Variants in ATRNL1 observed in about 807,000 individuals in gnomAD.
The protein encoded by ATRNL1 is attractin like 1.
A neutral mutation model predicts 182.7 loss-of-function variants in ATRNL1; 95 were observed. The ratio of observed to expected loss-of-function variants is 0.52; its 90% CI spans 0.44 to 0.62. The LOEUF is 0.62. Ranked by LOEUF, ATRNL1 falls within the 20% of genes least tolerant of loss-of-function variation. ATRNL1 has a pLI of 0.00. For synonymous variants in ATRNL1, 576 were observed against 568.3 expected, an observed-to-expected ratio of 1.01 and a Z score of -0.19; for missense variants, 1,471 against 1,679.5, an observed-to-expected ratio of 0.88 and a Z score of 2.17.
chr10:115,198,345 T>C (rs1391241996), intron 8 of ATRNL1, among the ~76,000 whole-genome samples: 1 of 152,142 alleles, frequency 6.6e-6, no homozygotes, highest in Non-Finnish European at 1.5e-5. Context: ...CCTTTGCCCA[T>C]GTTTTAGTTT....
chr10:115,871,328 A>G lies in ATRNL1; in HGVS notation c.4018+23337A>G, dbSNP rs888318727. On this transcript the variant is annotated intron_variant, in intron 28 of 28. Transcript: ENST00000355044. Reference sequence around the variant, plus strand: ...AACAATGACAATGACAACAAAAGGCATATTTCCTTTTAGGACTTTTTTTTT... The same window carrying G: ...AACAATGACAATGACAACAAAAGGCGTATTTCCTTTTAGGACTTTTTTTTT... Among the ~76,000 whole-genome samples, 9 of 150,786 alleles carry G rather than the reference A, an allele frequency of 6.0e-5. No homozygotes were observed. In the South Asian group the frequency reaches 1.9e-3, roughly 31 times the overall value.
intron 26 of ATRNL1, among the ~76,000 whole-genome samples, chr10:115,580,708 A>G (rs1449042815): frequency 6.7e-6 from 1 of 150,134 alleles, no homozygotes; most frequent in Non-Finnish European, 1.5e-5. Context: ...TCTCTTTCTC[A>G]TCCTCCTATA....
chr10:115,684,547 A>G (rs1176355588), intron 26 of ATRNL1, among the ~76,000 whole-genome samples: 7 of 151,484 alleles, frequency 4.6e-5, no homozygotes, highest in African/African-American at 1.7e-4. Flanking sequence ...TATTACTGAG[A>G]CTTTGTTCAA....
chr10:115,685,396 G>C (rs1555046025), intron 26 of ATRNL1, among the ~76,000 whole-genome samples: 1 of 151,658 alleles, frequency 6.6e-6, no homozygotes, highest in African/African-American at 2.4e-5. Context: ...TATCAATAAT[G>C]ACTACCTCGT....
rs1855472912 is a variant in ATRNL1 at position 115,585,769 on chromosome 10, G to T, written c.3795+36233G>T. 4.8e-5 allele frequency among the ~76,000 whole-genome samples: 3 copies of T among 62,696 alleles called. 1 individual carries two copies. The South Asian group carries it at 1.6e-3, about 34-fold the overall frequency. The allele number at this position is 62,696 out of a possible 152,430, so 41.1% of individuals were successfully genotyped here. ...TCCATTTACGTTTAAAGTTAATATT[G>T]TTAGGTGTGAATTTGATCCTGTCAT... On this transcript the variant is annotated intron_variant, in intron 26 of 28. Coordinates refer to ENST00000355044, the MANE Select transcript of ATRNL1 (RefSeq NM_207303.4).
chr10:115,787,941 C>G (rs1555080761), intron 27 of ATRNL1, among the ~76,000 whole-genome samples: 1 of 152,144 alleles, frequency 6.6e-6, no homozygotes, highest in Non-Finnish European at 1.5e-5. Context: ...GAGATTTGAG[C>G]CGTTTAAACA....
intron 19 of ATRNL1, among the ~76,000 whole-genome samples, chr10:115,370,910 A>G (rs1857360289): frequency 6.6e-6 from 1 of 152,052 alleles, no homozygotes; most frequent in Non-Finnish European, 1.5e-5. Flanking sequence ...GGAGGAAAAC[A>G]TTTTTTGTAG....
intron 8 of ATRNL1, among the ~76,000 whole-genome samples, chr10:115,194,098 A>G (rs1848266763): frequency 6.6e-6 from 1 of 151,836 alleles, no homozygotes; most frequent in Non-Finnish European, 1.5e-5. Flanking sequence ...AATTTTTGAG[A>G]CATGTTTTGT....
intron 27 of ATRNL1, among the ~76,000 whole-genome samples, chr10:115,738,668 C>T (rs567210258): frequency 1.3e-4 from 19 of 151,920 alleles, no homozygotes; most frequent in Admixed American, 3.9e-4. Context: ...ACATAAACAT[C>T]GTGAGTTTCA....
intron 25 of ATRNL1, among the ~76,000 whole-genome samples, chr10:115,534,315 T>G (rs1554989490): frequency 5.3e-5 from 8 of 152,064 alleles, no homozygotes. Context: ...ATATTTAGGA[T>G]AGTTAGCTCT....
At chr10:115,743,255 A>AAAAAG (rs55767990) in intron 27 of ATRNL1, among the ~76,000 whole-genome samples, 1 of 150,670 alleles carries the variant, frequency 6.6e-6, no homozygotes, top group Non-Finnish European at 1.5e-5. Context: ...AAAAAAAAAA[A>AAAAAG]TACAACTCTT....
At chr10:115,537,462 C>G (rs78247983) in intron 25 of ATRNL1, among the ~76,000 whole-genome samples, 4,208 of 152,238 alleles carry the variant, frequency 0.028, 222 homozygotes, top group African/African-American at 0.097. Context: ...AATCCTCTTT[C>G]CTTAATGACC....
intron 26 of ATRNL1, among the ~76,000 whole-genome samples, chr10:115,567,576 A>G (rs1854143557): frequency 6.6e-6 from 1 of 152,112 alleles, no homozygotes; most frequent in South Asian, 2.1e-4. Context: ...GTTAAGATTC[A>G]TTTCACTTTT....
intron 24 of ATRNL1, among the ~76,000 whole-genome samples, chr10:115,497,767 C>T (rs908765745): frequency 1.1e-4 from 17 of 151,870 alleles, no homozygotes; most frequent in Admixed American, 1.1e-3. Context: ...AAGCAATTCT[C>T]CTGCTTCAGC....
intron 26 of ATRNL1, among the ~76,000 whole-genome samples, chr10:115,676,076 A>G (rs1555042881): frequency 1.3e-5 from 2 of 152,092 alleles, no homozygotes; most frequent in African/African-American, 2.4e-5. Flanking sequence ...TGACTATTAA[A>G]CAATAACAAA....
intron 19 of ATRNL1, among the ~76,000 whole-genome samples, chr10:115,388,487 C>T (rs1262719393): frequency 6.6e-6 from 1 of 151,766 alleles, no homozygotes; most frequent in East Asian, 1.9e-4. Flanking sequence ...CCTGGTAAAC[C>T]TTCTCTATCT....
intron 26 of ATRNL1, among the ~76,000 whole-genome samples, chr10:115,657,092 C>G (rs1253353391): frequency 6.6e-6 from 1 of 151,716 alleles, no homozygotes. Context: ...ACTCAGTTTC[C>G]AAGGACATAT....
chr10:115,861,337 G>T (rs1310566035), intron 28 of ATRNL1, among the ~76,000 whole-genome samples: 1 of 152,114 alleles, frequency 6.6e-6, no homozygotes, highest in African/African-American at 2.4e-5. Flanking sequence ...TTCTGTAGGG[G>T]CTAAATTGTG....
chr10:115,537,342 G>A (rs1482294701), intron 25 of ATRNL1, among the ~76,000 whole-genome samples: 1 of 152,080 alleles, frequency 6.6e-6, no homozygotes, highest in African/African-American at 2.4e-5. Flanking sequence ...AACTTAACAT[G>A]CTTTAAATTG....
Sources: allele counts gnomAD v4.1 joint callset (sites outside exome capture counted in the v4.1 genomes callset), GRCh38; gene constraint gnomAD v4.1.1; transcripts MANE v1.5; gene names NCBI Gene and HGNC (gene_info 2026-07-23, HGNC 2026-07-21).